HCN1: variants seen among roughly 807,000 people sequenced by gnomAD.
HCN1 encodes potassium/sodium hyperpolarization-activated cyclic nucleotide-gated channel 1.
A neutral mutation model predicts 78.9 loss-of-function variants in HCN1; 13 were observed. The ratio of observed to expected loss-of-function variants is 0.16; its 90% CI spans 0.11 to 0.26. HCN1 has a LOEUF of 0.26. Among genes scored for constraint, HCN1 ranks in the 10% least tolerant of loss-of-function variants. The pLI, the probability that HCN1 is intolerant of heterozygous loss-of-function variation, is 1.00. For missense variants in HCN1, 810 were observed against 1,154.3 expected (o/e 0.70, Z 4.32); for synonymous variants, 552 against 455.5 (o/e 1.21, Z -2.70).
intron 1 of HCN1, among the ~76,000 whole-genome samples, chr5:45,690,575 GA>G (rs1739889965): frequency 6.6e-6 from 1 of 151,982 alleles, no homozygotes; most frequent in Non-Finnish European, 1.5e-5. Flanking sequence ...CAGGAATCCT[GA>G]TTTTTTTTTC....
At chr5:45,361,555 A>T (rs1182878006) in intron 4 of HCN1, among the ~76,000 whole-genome samples, 3 of 152,148 alleles carry the variant, frequency 2.0e-5, no homozygotes, top group African/African-American at 7.2e-5. Flanking sequence ...CAGGTGATCC[A>T]CCTGCCTTGG....
chr5:45,507,912 T>C (rs1027282733), intron 2 of HCN1, among the ~76,000 whole-genome samples: 1 of 152,136 alleles, frequency 6.6e-6, no homozygotes, highest in African/African-American at 2.4e-5. Context: ...TTACCTATGT[T>C]TCTGACTTAA....
chr5:45,590,537 A>C (rs989462042), intron 2 of HCN1, among the ~76,000 whole-genome samples: 3 of 152,154 alleles, frequency 2.0e-5, no homozygotes, highest in African/African-American at 4.8e-5. Context: ...ATTAGGGGTC[A>C]CTCTTGTACC....
At chr5:45,471,831 G>A (rs999451578) in intron 2 of HCN1, among the ~76,000 whole-genome samples, 1 of 151,854 alleles carries the variant, frequency 6.6e-6, no homozygotes, top group African/African-American at 2.4e-5. Flanking sequence ...ATGTTGGACT[G>A]CTGTTACTGA....
intron 3 of HCN1, among the ~76,000 whole-genome samples, chr5:45,421,560 CA>C (rs544975189): frequency 6.7e-5 from 10 of 148,746 alleles, no homozygotes; most frequent in South Asian, 2.1e-4. Flanking sequence ...TAAAACAAAA[CA>C]AAAAAAAACC....
chr5:45,602,658 T>C (rs1369343514), intron 2 of HCN1, among the ~76,000 whole-genome samples: 2 of 152,158 alleles, frequency 1.3e-5, no homozygotes, highest in Admixed American at 6.6e-5. Context: ...CAAGAAAAAG[T>C]GACAGAATGT....
chr5:45,469,347 C>T (rs1278133079), intron 2 of HCN1, among the ~76,000 whole-genome samples: 1 of 151,598 alleles, frequency 6.6e-6, no homozygotes, highest in Non-Finnish European at 1.5e-5. Context: ...TGGAAATGAC[C>T]CTACTAAGAA....
At chr5:45,406,645 T>C (rs1270710732) in intron 3 of HCN1, among the ~76,000 whole-genome samples, 1 of 152,204 alleles carries the variant, frequency 6.6e-6, no homozygotes, top group Non-Finnish European at 1.5e-5. Flanking sequence ...ATGATAATTA[T>C]ACTTTTATAT....
At position 45,686,292 on chromosome 5, in the gene HCN1, C is replaced by T. The variant is rs143963819; in HGVS notation, c.425+9377G>A. On this transcript the variant is annotated intron_variant, in intron 1 of 7. Coordinates refer to ENST00000303230, the MANE Select transcript of HCN1 (RefSeq NM_021072.4). ...GATTATAAGGAGAACATATAAGCCTCTCCCTTTTCCTTTTACCCTACATAT... is the reference window on the plus strand; with the variant it reads ...GATTATAAGGAGAACATATAAGCCTTTCCCTTTTCCTTTTACCCTACATAT... Among the ~76,000 whole-genome samples the T allele has an allele frequency of 5.2e-3, 784 of 151,796 alleles. 8 individuals carry two copies. Among genetic ancestry groups the T allele is most frequent in the African/African-American group, 0.017 (698 of 41,408 alleles).
At chr5:45,518,136 C>G (rs946765330) in intron 2 of HCN1, among the ~76,000 whole-genome samples, 1 of 152,012 alleles carries the variant, frequency 6.6e-6, no homozygotes, top group Non-Finnish European at 1.5e-5. Context: ...TAGACTGAAA[C>G]AACTTTATCT....
chr5:45,534,404 C>CAAAAAAAAAAAAAAAAAA lies in HCN1; in HGVS notation c.850-72415_850-72398dup, dbSNP rs71000637. On this transcript the variant is annotated intron_variant, in intron 2 of 7. Coordinates refer to ENST00000303230, the MANE Select transcript of HCN1 (RefSeq NM_021072.4). ...TGGGCAACAGAGTGAGACTGCATCT[C>CAAAAAAAAAAAAAAAAAA]AAAAAAAAAAAAAAAAAAAAAAAAA... Among the ~76,000 whole-genome samples, 11 of 29,316 alleles carry CAAAAAAAAAAAAAAAAAA rather than the reference C, an allele frequency of 3.8e-4. 1 individual carries two copies. The highest frequency in any genetic ancestry group is 3.8e-4 in the Non-Finnish European group (7 of 18,480). 19.2% of individuals were successfully genotyped at this position (29,316 alleles called of 152,430 possible).
chr5:45,566,369 T>C (rs1431430652), intron 2 of HCN1, among the ~76,000 whole-genome samples: 1 of 152,194 alleles, frequency 6.6e-6, no homozygotes, highest in Non-Finnish European at 1.5e-5. Context: ...ATACTCATTT[T>C]TCATTACACA....
intron 2 of HCN1, among the ~76,000 whole-genome samples, chr5:45,579,260 T>C (rs1210206555): frequency 6.6e-6 from 1 of 152,090 alleles, no homozygotes; most frequent in Non-Finnish European, 1.5e-5. Context: ...GATAAACTCT[T>C]AATAGCTGAC....
chr5:45,573,857 C>T (rs1164593564), intron 2 of HCN1, among the ~76,000 whole-genome samples: 3 of 151,814 alleles, frequency 2.0e-5, no homozygotes, highest in Non-Finnish European at 2.9e-5. Flanking sequence ...GAATTTGTTT[C>T]TTAAAAACCA....
intron 1 of HCN1, among the ~76,000 whole-genome samples, chr5:45,660,524 T>A (rs1007617557): frequency 6.6e-6 from 1 of 150,912 alleles, no homozygotes; most frequent in Non-Finnish European, 1.5e-5. Flanking sequence ...GGATAAAGAG[T>A]CAAGACCCAT....
chr5:45,285,926 A>AGT (rs1671118499), intron 6 of HCN1, among the ~76,000 whole-genome samples: 2 of 152,130 alleles, frequency 1.3e-5, no homozygotes, highest in South Asian at 4.1e-4. Flanking sequence ...GTTTGCCATC[A>AGT]GTTCCTCATC....
chr5:45,583,738 T>C (rs1744139214), intron 2 of HCN1, among the ~76,000 whole-genome samples: 3 of 152,176 alleles, frequency 2.0e-5, no homozygotes, highest in South Asian at 2.1e-4. Context: ...TTTGTTCTCG[T>C]TGGTTTCAAA....
rs570205470 is a variant in HCN1, at chr5:45,655,454, A to C, written c.426-9846T>G. 4.6e-5 allele frequency among the ~76,000 whole-genome samples: 7 copies of C among 152,154 alleles called. No homozygotes were observed. In the South Asian group the frequency reaches 1.0e-3, roughly 23 times the overall value. On this transcript the variant is annotated intron_variant, in intron 1 of 7. Transcript: ENST00000303230. The stretch of plus-strand genomic sequence containing the variant: ...ACCCAAGACCAATTTCTGTACTTGC[A>C]CTCTCTCCACCATATTCAGATAAAT...
chr5:45,671,654 A>G (rs1272218934), intron 1 of HCN1, among the ~76,000 whole-genome samples: 1 of 151,566 alleles, frequency 6.6e-6, no homozygotes, highest in East Asian at 1.9e-4. Flanking sequence ...ATATGAAGGT[A>G]GAATTTAGAA....
Sources: gnomAD v4.1 joint callset for allele counts (sites outside exome capture counted in the v4.1 genomes callset) on GRCh38, gnomAD v4.1.1 for gene constraint, MANE v1.5 for transcripts, NCBI Gene and HGNC (gene_info 2026-07-23, HGNC 2026-07-21) for gene names.